VPS35L: variants seen among roughly 807,000 people sequenced by gnomAD.
VPS35L encodes the protein VPS35 endosomal protein-sorting factor-like.
VPS35L carries 83 observed loss-of-function variants against 133.0 expected under a neutral mutation model. The ratio of observed to expected loss-of-function variants is 0.62; its 90% CI spans 0.52 to 0.75. VPS35L has a LOEUF of 0.75. Among genes scored for constraint, VPS35L ranks in the 30% least tolerant of loss-of-function variants. The probability of loss-of-function intolerance (pLI) is 0.00; values close to 1 mark genes in which losing one functional copy is unlikely to be tolerated. For missense variants in VPS35L, 1,083 were observed against 1,206.8 expected (o/e 0.90, Z 1.52); for synonymous variants, 423 against 449.9 (o/e 0.94, Z 0.76).
At chr16:19,694,733 G>A (rs1054699486) in intron 29 of VPS35L, among the ~76,000 whole-genome samples, 2 of 152,118 alleles carry the variant, frequency 1.3e-5, no homozygotes, top group African/African-American at 4.8e-5. Context: ...GGCCGGGCAC[G>A]GTTGGCTCAT....
intron 3 of VPS35L, among the ~76,000 whole-genome samples, chr16:19,570,919 C>T (rs904452655): frequency 7.0e-6 from 1 of 142,868 alleles, no homozygotes; most frequent in Non-Finnish European, 1.5e-5. Context: ...CACTGTCACC[C>T]GGGCCGGTGT....
At chr16:19,615,590 C>CA (rs1972860070) in intron 12 of VPS35L, among the ~76,000 whole-genome samples, 1 of 151,604 alleles carries the variant, frequency 6.6e-6, no homozygotes, top group Admixed American at 6.6e-5. Flanking sequence ...GTGGAGGTTG[C>CA]AGTGAGCCAA....
chr16:19,630,440 TCTC>T (rs1027983509), intron 18 of VPS35L, among the ~76,000 whole-genome samples: 2 of 150,972 alleles, frequency 1.3e-5, no homozygotes, highest in Non-Finnish European at 2.9e-5. Flanking sequence ...TTCACGCCAT[TCTC>T]CTGCCTCATC....
At position 19,680,443 on chromosome 16, in the gene VPS35L, TGCAGCCA is replaced by T. The variant is rs1975230974; in HGVS notation, c.2362-1777_2362-1771del. On this transcript the variant is annotated intron_variant, in intron 27 of 30. Coordinates refer to ENST00000417362, the MANE Select transcript of VPS35L (RefSeq NM_020314.7). ...GAGGCGCCATTAACAGAATACAGTG[TGCAGCCA>T]GCAGACCTGGCGGTGTATTGGCAAA... 3.3e-5 allele frequency among the ~76,000 whole-genome samples: 5 copies of T among 152,306 alleles called. No individual in the cohort carries two copies. The South Asian group carries it at 1.0e-3, about 32-fold the overall frequency.
intron 27 of VPS35L, among the ~76,000 whole-genome samples, chr16:19,675,760 G>T (rs57672772): frequency 0.25 from 37,948 of 151,490 alleles, 4,991 homozygotes; most frequent in Non-Finnish European, 0.28. Context: ...ATGTTGGCCA[G>T]GCTGGTCTCA....
intron 29 of VPS35L, among the ~76,000 whole-genome samples, chr16:19,695,896 AT>A (rs770219816): frequency 2.0e-5 from 3 of 147,818 alleles, no homozygotes; most frequent in Admixed American, 6.7e-5. Flanking sequence ...CTTTTATTTT[AT>A]TTTTTTTTTG....
intron 21 of VPS35L, 46 bp from the exon 22 acceptor site, chr16:19,642,350 C>T: frequency 1.3e-6 from 2 of 1,510,596 alleles, no homozygotes; most frequent in Admixed American, 1.7e-5. Flanking sequence ...TCTTGCAGTG[C>T]TGTCAGTGGA....
intron 3 of VPS35L, among the ~76,000 whole-genome samples, chr16:19,572,404 C>T (rs1339018874): frequency 1.3e-5 from 2 of 152,020 alleles, no homozygotes; most frequent in Non-Finnish European, 2.9e-5. Flanking sequence ...GGCAACAGAG[C>T]GAGACTCCAT....
chr16:19,691,820 T>C (rs1316684660), intron 29 of VPS35L, among the ~76,000 whole-genome samples: 2 of 151,750 alleles, frequency 1.3e-5, no homozygotes, highest in Non-Finnish European at 2.9e-5. Flanking sequence ...ATGTTCTGTC[T>C]GTCCATCCCT....
At chr16:19,646,171 G>A (rs1973942765) in intron 23 of VPS35L, among the ~76,000 whole-genome samples, 1 of 152,092 alleles carries the variant, frequency 6.6e-6, no homozygotes, top group African/African-American at 2.4e-5. Context: ...GGCACGATTG[G>A]GCTGGAGGAT....
chr16:19,591,988 T>C, intron 8 of VPS35L, 114 bp downstream of exon 8: 1 of 798,512 alleles, frequency 1.3e-6, no homozygotes, highest in South Asian at 1.6e-5. Context: ...ATTAAGTAAG[T>C]CATGGGAGAG....
chr16:19,565,337 C>T (rs371944399), intron 2 of VPS35L, among the ~76,000 whole-genome samples: 30 of 151,072 alleles, frequency 2.0e-4, no homozygotes, highest in African/African-American at 6.8e-4. Context: ...GTGTGGGCCA[C>T]CGTGCCCAGC....
chr16:19,577,078 G>A (rs576248154), intron 5 of VPS35L, among the ~76,000 whole-genome samples: 1 of 152,306 alleles, frequency 6.6e-6, no homozygotes, highest in Non-Finnish European at 1.5e-5. Context: ...AGATCAAATA[G>A]AGTGATGATA....
chr16:19,569,867 C>G (rs1164814808), intron 3 of VPS35L, among the ~76,000 whole-genome samples: 1 of 151,948 alleles, frequency 6.6e-6, no homozygotes, highest in African/African-American at 2.4e-5. Context: ...TGGGGTCTTG[C>G]TGTGTTGCCC....
chr16:19,626,944 T>C (rs1421507757), intron 15 of VPS35L, among the ~76,000 whole-genome samples: 1 of 152,110 alleles, frequency 6.6e-6, no homozygotes, highest in East Asian at 1.9e-4. Context: ...CTGTGTCCCC[T>C]GTGCCTGGTG....
chr16:19,682,188 T>C (rs756630859), intron 27 of VPS35L, 37 bp from the exon 28 acceptor site: 3 of 1,600,310 alleles, frequency 1.9e-6, no homozygotes, highest in Non-Finnish European at 2.6e-6. Context: ...CTGCTTCATC[T>C]TTGGGATTAT....
chr16:19,652,229 T>G lies in VPS35L; in HGVS notation c.2221+139T>G, dbSNP rs115006133. Reference sequence around the variant, plus strand: ...TCTCACTCTGTCACCCAGGCTGGAATGTAGTAGTGCAATCATAGTTTCCTG... The same window carrying G: ...TCTCACTCTGTCACCCAGGCTGGAAGGTAGTAGTGCAATCATAGTTTCCTG... On this transcript the variant is annotated intron_variant, in intron 26 of 30. Transcript: ENST00000417362. The G allele has an allele frequency of 5.4e-3, 3,571 of 663,032 alleles. 77 individuals are homozygous for G. In the African/African-American group the frequency reaches 0.055, roughly 10 times the overall value. 41.1% of individuals were successfully genotyped at this position (663,032 alleles called of 1,614,324 possible). A position where few individuals can be genotyped will look rare whatever the true frequency, so the allele number is the denominator to read the frequency against.
chr16:19,649,150 G>C (rs1167290551), intron 24 of VPS35L, among the ~76,000 whole-genome samples: 1 of 151,762 alleles, frequency 6.6e-6, no homozygotes, highest in Admixed American at 6.6e-5. Context: ...CACCATGCCC[G>C]GCTAATTCTT....
chr16:19,666,874 TTC>T (rs1209243268), intron 26 of VPS35L, among the ~76,000 whole-genome samples: 1 of 84,382 alleles, frequency 1.2e-5, no homozygotes, highest in African/African-American at 4.8e-5. Flanking sequence ...GGCCATGTTT[TTC>T]TTTCTTTCTT....
Sources: gnomAD v4.1 joint callset for allele counts (sites outside exome capture counted in the v4.1 genomes callset) on GRCh38, gnomAD v4.1.1 for gene constraint, MANE v1.5 for transcripts, NCBI Gene and HGNC (gene_info 2026-07-23, HGNC 2026-07-21) for gene names.